SMYD3: variants seen among roughly 807,000 people sequenced by gnomAD.
SMYD3 encodes the protein SET and MYND domain containing 3.
A neutral mutation model predicts 57.7 loss-of-function variants in SMYD3; 36 were observed. The observed-to-expected ratio is 0.62, with a 90% confidence interval of 0.48 to 0.82. SMYD3 has a LOEUF of 0.82. SMYD3 is among the 40% of genes least tolerant of loss of function. The pLI, the probability that SMYD3 is intolerant of heterozygous loss-of-function variation, is 0.00. For synonymous variants in SMYD3, 211 were observed against 195.0 expected (o/e 1.08, Z -0.68); for missense variants, 515 against 538.8 (o/e 0.96, Z 0.44).
intron 1 of SMYD3, among the ~76,000 whole-genome samples, chr1:246,427,423 G>A (rs2067234651): frequency 6.6e-6 from 1 of 150,952 alleles, no homozygotes; most frequent in Admixed American, 6.6e-5. Context: ...GGGAGGCTGA[G>A]GCAGGAGAAT....
intron 10 of SMYD3, among the ~76,000 whole-genome samples, chr1:245,847,471 A>G (rs1382345890): frequency 2.6e-5 from 4 of 152,246 alleles, no homozygotes; most frequent in Admixed American, 2.6e-4. Context: ...TGTCCTTTAC[A>G]TAAAATTAAA....
At position 246,069,004 on chromosome 1, in the gene SMYD3, T is replaced by C. The variant is rs138801356; in HGVS notation, c.532-139067A>G. ...AGGAGAAGAATCACTGACTAGGATA[T>C]GTCTGTGCAGAAAACAAGGTGGCTC... On this transcript the variant is annotated intron_variant, in intron 5 of 11. Transcript: ENST00000490107. Among the ~76,000 whole-genome samples the C allele has an allele frequency of 2.2e-4, 33 of 152,344 alleles. No individual in the cohort carries two copies. In the East Asian group the frequency reaches 4.2e-3, roughly 20 times the overall value.
chr1:245,817,216 C>T lies in SMYD3; in HGVS notation c.1076+41280G>A, dbSNP rs1326165412. On this transcript the variant is annotated intron_variant, in intron 10 of 11. Coordinates refer to ENST00000490107, the MANE Select transcript of SMYD3 (RefSeq NM_001167740.2). ...TGGAGATCTGAGAACGGGCAGACTG[C>T]CTCCTCAAGTGGGTCCCTGACCCCT... 2.7e-5 allele frequency among the ~76,000 whole-genome samples: 4 copies of T among 146,376 alleles called. No individual in the cohort carries two copies. The Admixed American group carries it at 2.8e-4, about 10-fold the overall frequency.
chr1:246,176,056 T>C (rs2062429091), intron 5 of SMYD3, among the ~76,000 whole-genome samples: 2 of 152,230 alleles, frequency 1.3e-5, no homozygotes, highest in South Asian at 4.1e-4. Flanking sequence ...CCAAGTGTTT[T>C]ACTCTAAGCT....
At chr1:245,944,448 T>A (rs922214926) in intron 5 of SMYD3, among the ~76,000 whole-genome samples, 1 of 151,838 alleles carries the variant, frequency 6.6e-6, no homozygotes, top group South Asian at 2.1e-4. Context: ...AAATAAAGAA[T>A]CTCTTCAAGG....
intron 1 of SMYD3, among the ~76,000 whole-genome samples, chr1:246,481,484 C>T (rs368007292): frequency 9.3e-5 from 14 of 150,174 alleles, no homozygotes; most frequent in African/African-American, 3.4e-4. Flanking sequence ...TCTTCTCTTG[C>T]TCTTGGACTG....
chr1:245,827,597 C>T (rs1414157772), intron 10 of SMYD3, among the ~76,000 whole-genome samples: 1 of 144,822 alleles, frequency 6.9e-6, no homozygotes, highest in Middle Eastern at 3.5e-3. Context: ...GTTGGACACA[C>T]ACTCTCATAG....
intron 1 of SMYD3, among the ~76,000 whole-genome samples, chr1:246,470,792 A>C (rs2067951570): frequency 6.6e-6 from 1 of 152,218 alleles, no homozygotes; most frequent in East Asian, 1.9e-4. Flanking sequence ...CAACATCGAC[A>C]AAATTGGAAA....
chr1:245,916,591 T>A (rs2055439172), intron 7 of SMYD3, among the ~76,000 whole-genome samples: 1 of 152,140 alleles, frequency 6.6e-6, no homozygotes, highest in Admixed American at 6.5e-5. Context: ...TGCCATCCAA[T>A]CCACCAGGAA....
chr1:245,894,607 A>G (rs1345690738), intron 8 of SMYD3, among the ~76,000 whole-genome samples: 6 of 152,306 alleles, frequency 3.9e-5, no homozygotes, highest in Admixed American at 3.9e-4. Flanking sequence ...ACACTAGCAC[A>G]CAATAAGTGC....
chr1:245,833,916 T>C (rs114276894), intron 10 of SMYD3, among the ~76,000 whole-genome samples: 2,022 of 152,376 alleles, frequency 0.013, 49 homozygotes, highest in African/African-American at 0.047. Context: ...CTTCTGACAC[T>C]GATTCCAAAG....
chr1:246,270,507 A>G lies in SMYD3; in HGVS notation c.531+56694T>C, dbSNP rs1347549783. Among the ~76,000 whole-genome samples, 3 of 152,262 alleles carry G rather than the reference A, an allele frequency of 2.0e-5. No homozygotes were observed. The East Asian group carries it at 5.8e-4, about 29-fold the overall frequency. On this transcript the variant is annotated intron_variant, in intron 5 of 11. Coordinates refer to ENST00000490107, the MANE Select transcript of SMYD3 (RefSeq NM_001167740.2). ...TTCTTTCTAGCCTCTGGCAATCACCATTCTACTTTCTGGCTCTAAGATTTT... is the reference window on the plus strand; with the variant it reads ...TTCTTTCTAGCCTCTGGCAATCACCGTTCTACTTTCTGGCTCTAAGATTTT...
chr1:245,811,847 T>C (rs1572404111), intron 10 of SMYD3, among the ~76,000 whole-genome samples: 2 of 152,196 alleles, frequency 1.3e-5, no homozygotes, highest in East Asian at 3.9e-4. Context: ...ACTGATGATA[T>C]AAACTGAGGC....
At chr1:246,242,926 A>C (rs868550071) in intron 5 of SMYD3, among the ~76,000 whole-genome samples, 5 of 152,212 alleles carry the variant, frequency 3.3e-5, no homozygotes, top group African/African-American at 1.2e-4. Flanking sequence ...ATATGCACCC[A>C]ATACAGAAGC....
intron 1 of SMYD3, among the ~76,000 whole-genome samples, chr1:246,463,433 A>G (rs943572517): frequency 1.3e-5 from 2 of 152,106 alleles, no homozygotes; most frequent in Non-Finnish European, 2.9e-5. Flanking sequence ...AAGCAAATTT[A>G]AGAATGAAGA....
intron 5 of SMYD3, among the ~76,000 whole-genome samples, chr1:246,270,090 T>G (rs993355646): frequency 6.6e-6 from 1 of 152,030 alleles, no homozygotes; most frequent in African/African-American, 2.4e-5. Flanking sequence ...AGGATTAACT[T>G]CAGACCCTAC....
At chr1:246,386,783 G>C (rs995416170) in intron 1 of SMYD3, among the ~76,000 whole-genome samples, 1 of 151,902 alleles carries the variant, frequency 6.6e-6, no homozygotes, top group African/African-American at 2.4e-5. Flanking sequence ...GGGAGAAATT[G>C]ACCACTTATT....
chr1:246,295,563 T>C (rs1296750263), intron 5 of SMYD3, among the ~76,000 whole-genome samples: 1 of 152,182 alleles, frequency 6.6e-6, no homozygotes, highest in Admixed American at 6.6e-5. Context: ...GCAATCAAGA[T>C]GCTGGTGGTA....
At chr1:245,933,217 G>C (rs961279201) in intron 5 of SMYD3, among the ~76,000 whole-genome samples, 2 of 151,892 alleles carry the variant, frequency 1.3e-5, no homozygotes, top group Non-Finnish European at 2.9e-5. Context: ...GTTTTCTTAG[G>C]GAATTGCACA....
Sources: allele counts gnomAD v4.1 joint callset (sites outside exome capture counted in the v4.1 genomes callset), GRCh38; gene constraint gnomAD v4.1.1; transcripts MANE v1.5; gene names NCBI Gene and HGNC (gene_info 2026-07-23, HGNC 2026-07-21).